Variants in COL18A1 observed in about 807,000 individuals in gnomAD.
The protein encoded by COL18A1 is collagen alpha-1(XVIII) chain.
In COL18A1, 133 loss-of-function variants were observed where a neutral mutation model predicts 168.0. That is an observed-to-expected ratio of 0.79 (90% CI 0.69 to 0.91). COL18A1 has a LOEUF of 0.91. Among genes scored for constraint, COL18A1 ranks in the 40% least tolerant of loss-of-function variants. The pLI, the probability that COL18A1 is intolerant of heterozygous loss-of-function variation, is 0.00. For synonymous variants in COL18A1, 949 were observed against 809.0 expected (o/e 1.17, Z -2.94); for missense variants, 2,126 against 1,925.4 (o/e 1.10, Z -1.95).
chr21:45,447,528 G>A (rs1454194454), intron 2 of COL18A1, among the ~76,000 whole-genome samples: 1 of 152,098 alleles, frequency 6.6e-6, no homozygotes, highest in Non-Finnish European at 1.5e-5. Flanking sequence ...CTAAATAAAT[G>A]GAAAGTTATC....
At chr21:45,510,296 C>T (rs760098344) in intron 40 of COL18A1, 35 bp downstream of exon 40, 31 of 1,562,524 alleles carry the variant, frequency 2.0e-5, no homozygotes, top group Non-Finnish European at 2.3e-5. Flanking sequence ...GCGGGCTCCT[C>T]GGCCCCCACT....
Position 45,498,428 on chromosome 21 carries a change from G to A in COL18A1, c.2683+767G>A, listed in dbSNP as rs1173671140. On this transcript the variant is annotated intron_variant, in intron 32 of 41. Coordinates refer to ENST00000651438, the MANE Select transcript of COL18A1 (RefSeq NM_001379500.1). This position sits in a 1 kb window ranked among gnomAD's most constrained non-coding sequence, Gnocchi z 4.5. ...CGCCAGGGTCCCCTCTCGCCGCCAC[G>A]GTCCCCTCTCGCCGCCAGGGTCCCC... 27 of 695,554 alleles carry A rather than the reference G, an allele frequency of 3.9e-5. No individual in the cohort carries two copies. Among genetic ancestry groups the A allele is most frequent in the Admixed American group, 3.3e-4 (16 of 49,146 alleles). 43.1% of individuals were successfully genotyped at this position (695,554 alleles called of 1,614,324 possible).
intron 2 of COL18A1, among the ~76,000 whole-genome samples, chr21:45,438,119 G>A (rs867666206): frequency 1.5e-5 from 1 of 67,330 alleles, no homozygotes; most frequent in African/African-American, 7.7e-5. Flanking sequence ...CAGACACACA[G>A]GCACTCTCCT....
intron 3 of COL18A1, among the ~76,000 whole-genome samples, chr21:45,469,404 C>T (rs1036449672): frequency 3.3e-5 from 5 of 152,224 alleles, no homozygotes; most frequent in Admixed American, 3.3e-4. Flanking sequence ...GGGCTCAGGG[C>T]GGCCCTGCAG....
chr21:45,432,925 C>T lies in COL18A1; in HGVS notation c.106+27452C>T, dbSNP rs924441143. On this transcript the variant is annotated intron_variant, in intron 2 of 41. Transcript: ENST00000651438. Reference sequence around the variant, plus strand: ...CAGATGCCTGTGCCAACCCCTCCGGCAGAGTTATGCCAAATGTCCCACTAA... The same window carrying T: ...CAGATGCCTGTGCCAACCCCTCCGGTAGAGTTATGCCAAATGTCCCACTAA... 3.9e-5 allele frequency among the ~76,000 whole-genome samples: 6 copies of T among 152,364 alleles called. No homozygotes were observed. In the South Asian group the frequency reaches 1.2e-3, roughly 32 times the overall value.
intron 9 of COL18A1, among the ~76,000 whole-genome samples, chr21:45,479,506 A>G (rs1351411653): frequency 6.6e-6 from 1 of 152,084 alleles, no homozygotes; most frequent in Non-Finnish European, 1.5e-5. Flanking sequence ...ACATGTGCAC[A>G]CCATGGATTA....
chr21:45,500,532 T>G (rs2036739318), intron 32 of COL18A1, among the ~76,000 whole-genome samples: 1 of 46,552 alleles, frequency 2.1e-5, no homozygotes, highest in Non-Finnish European at 3.9e-5. Context: ...GTTGGGTGTG[T>G]AGGGTGTGGT....
chr21:45,468,120 G>A, intron 2 of COL18A1, 122 bp from the exon 3 acceptor site: 3 of 1,065,294 alleles, frequency 2.8e-6, no homozygotes, highest in Non-Finnish European at 2.7e-6. Context: ...CCAGGCACGT[G>A]GAGAGCCCTC....
chr21:45,452,861 C>T (rs866027419), intron 2 of COL18A1, among the ~76,000 whole-genome samples: 7 of 150,058 alleles, frequency 4.7e-5, no homozygotes, highest in East Asian at 2.0e-4. Flanking sequence ...ATGTGTGGGG[C>T]TTGTGTATGC....
At chr21:45,485,737 C>T (rs757907545) in intron 15 of COL18A1, among the ~76,000 whole-genome samples, 23 of 152,108 alleles carry the variant, frequency 1.5e-4, no homozygotes, top group Non-Finnish European at 2.8e-4. Flanking sequence ...GGGTGGAGGG[C>T]GGGGAAAGCT....
At chr21:45,476,950 T>TGG (rs1555860257) in intron 6 of COL18A1, among the ~76,000 whole-genome samples, 369 of 150,222 alleles carry the variant, frequency 2.5e-3, no homozygotes, top group Middle Eastern at 6.9e-3. Flanking sequence ...TGTGTGTGTG[T>TGG]GGCAGGTGGG....
intron 27 of COL18A1, 99 bp from the exon 28 acceptor site, chr21:45,494,763 G>C (rs1196105944): frequency 4.7e-6 from 6 of 1,286,444 alleles, no homozygotes; most frequent in Non-Finnish European, 5.5e-6. Flanking sequence ...GGCCCAGGGT[G>C]CTGTGCTCTG....
chr21:45,488,804 C>G (rs1206326095), intron 18 of COL18A1, among the ~76,000 whole-genome samples: 1 of 152,110 alleles, frequency 6.6e-6, no homozygotes, highest in Non-Finnish European at 1.5e-5. Flanking sequence ...GACTCCTGGG[C>G]TCAGGGACAG....
At chr21:45,461,330 G>A (rs554449275) in intron 2 of COL18A1, among the ~76,000 whole-genome samples, 4 of 152,146 alleles carry the variant, frequency 2.6e-5, no homozygotes, top group South Asian at 4.2e-4. Flanking sequence ...TCCAACAGGC[G>A]AAATGAAAGG....
chr21:45,419,816 G>C (rs2033563211), intron 2 of COL18A1: 1 of 152,230 alleles, frequency 6.6e-6, no homozygotes, highest in Non-Finnish European at 1.5e-5. Flanking sequence ...GGAATAAAAA[G>C]TAAAATGTCC....
chr21:45,470,990 C>T (rs1001061666), intron 3 of COL18A1, among the ~76,000 whole-genome samples: 2 of 150,592 alleles, frequency 1.3e-5, no homozygotes, highest in Non-Finnish European at 3.0e-5. Flanking sequence ...GCGCTACAGG[C>T]TTCGTGCTGC....
intron 2 of COL18A1, among the ~76,000 whole-genome samples, chr21:45,451,499 C>T (rs963214278): frequency 6.6e-6 from 1 of 152,190 alleles, no homozygotes; most frequent in Non-Finnish European, 1.5e-5. Context: ...CGGGATCCCA[C>T]GGGGTTGGCG....
intron 36 of COL18A1, 149 bp from the exon 37 acceptor site, chr21:45,505,689 A>C (rs568974522): frequency 1.4e-6 from 1 of 710,980 alleles, no homozygotes; most frequent in South Asian, 1.6e-5. Flanking sequence ...AGGGGTCCCC[A>C]TGGTGCTCAT....
chr21:45,468,562 G>A lies in COL18A1; in HGVS notation c.427G>A (p.Gly143Ser). 1.2e-6 allele frequency: 2 copies of A among 1,613,540 alleles called. No homozygotes were observed. The highest frequency in any genetic ancestry group is 1.7e-6 in the Non-Finnish European group (2 of 1,179,980). The change falls in exon 3 of 42, where the codon GGT becomes AGT. Residue 143 changes from glycine to serine, a missense_variant. Physicochemically the swap from Gly to Ser is moderately conservative, Grantham distance 56. Coordinates refer to ENST00000651438, the MANE Select transcript of COL18A1 (RefSeq NM_001379500.1). ...QDISLLYTEP[G>S]AGQTHTAASF... ...CATCTCCCTGCTCTACACAGAACCA[G>A]GTGCAGGCCAGACCCACACAGCCGC...
Sources: gnomAD v4.1 joint callset for allele counts (sites outside exome capture counted in the v4.1 genomes callset) on GRCh38, gnomAD v4.1.1 for gene constraint, Gnocchi (gnomAD v3.1) non-coding constraint, MANE v1.5 for transcripts, NCBI Gene and HGNC (gene_info 2026-07-23, HGNC 2026-07-21) for gene names.